Variants in CEP112 observed in about 807,000 individuals in gnomAD.
The protein encoded by CEP112 is centrosomal protein 112.
In CEP112, 127 loss-of-function variants were observed where a neutral mutation model predicts 153.0. The observed-to-expected ratio is 0.83, with a 90% CI of 0.72 to 0.96. CEP112 has a LOEUF of 0.96. Ranked by LOEUF, CEP112 falls within the 40% of genes least tolerant of loss-of-function variation. CEP112 has a pLI of 0.00. For synonymous variants in CEP112, 358 were observed against 374.4 expected (o/e 0.96, Z 0.51); for missense variants, 1,089 against 1,101.2 (o/e 0.99, Z 0.16).
At chr17:65,936,704 G>T (rs765234799) in intron 18 of CEP112, among the ~76,000 whole-genome samples, 6 of 151,962 alleles carry the variant, frequency 3.9e-5, no homozygotes, top group Non-Finnish European at 8.8e-5. Flanking sequence ...CTCAATAGAT[G>T]CAGAAAAATC....
intron 9 of CEP112, among the ~76,000 whole-genome samples, chr17:66,068,964 T>C (rs891355122): frequency 3.9e-5 from 6 of 151,970 alleles, no homozygotes; most frequent in African/African-American, 1.2e-4. Context: ...TTGCCTGTAA[T>C]ATCTGAATGG....
chr17:65,879,006 T>C lies in CEP112; in HGVS notation c.2163+23146A>G, dbSNP rs549441435. Among the ~76,000 whole-genome samples, 19 of 152,218 alleles carry C rather than the reference T, an allele frequency of 1.2e-4. No individual in the cohort carries two copies. The South Asian group carries it at 3.9e-3, about 32-fold the overall frequency. On this transcript the variant is annotated intron_variant, in intron 20 of 26. Transcript: ENST00000535342. Reference sequence around the variant, plus strand: ...CTAAATTCCCACTCAGGGAGAGATATATTGGGAGGAGGGACAGAAAAGAAA... The same window carrying C: ...CTAAATTCCCACTCAGGGAGAGATACATTGGGAGGAGGGACAGAAAAGAAA...
chr17:66,028,008 T>C (rs944790897), intron 15 of CEP112, among the ~76,000 whole-genome samples: 2 of 151,536 alleles, frequency 1.3e-5, no homozygotes, highest in African/African-American at 4.8e-5. Context: ...ATTATGAAGA[T>C]TGGCAGGTAA....
At chr17:65,746,375 C>T (rs1189795215) in intron 22 of CEP112, among the ~76,000 whole-genome samples, 5 of 151,324 alleles carry the variant, frequency 3.3e-5, no homozygotes, top group Non-Finnish European at 5.9e-5. Flanking sequence ...CTTAGGAAGG[C>T]GATATAAGGG....
At chr17:65,982,986 C>G (rs899603667) in intron 17 of CEP112, among the ~76,000 whole-genome samples, 2 of 152,132 alleles carry the variant, frequency 1.3e-5, no homozygotes, top group African/African-American at 2.4e-5. Context: ...TTGTATGATT[C>G]CATTTCTATG....
intron 24 of CEP112, among the ~76,000 whole-genome samples, chr17:65,681,384 CTTCT>C (rs2047515757): frequency 6.6e-6 from 1 of 151,980 alleles, no homozygotes; most frequent in African/African-American, 2.4e-5. Flanking sequence ...CCTCTATGCT[CTTCT>C]TTGTCAATAT....
intron 12 of CEP112, among the ~76,000 whole-genome samples, chr17:66,031,515 A>G (rs12943970): frequency 0.51 from 73,954 of 144,134 alleles, 19,818 homozygotes; most frequent in African/African-American, 0.59. Context: ...ACAGGGTCTC[A>G]TAGCGCAATC....
intron 21 of CEP112, among the ~76,000 whole-genome samples, chr17:65,806,171 C>T (rs549067691): frequency 1.3e-5 from 2 of 152,162 alleles, no homozygotes; most frequent in South Asian, 4.2e-4. Context: ...CACACTTGTA[C>T]TGGTGCCTAA....
At chr17:65,731,432 G>T (rs2050502340) in intron 23 of CEP112, among the ~76,000 whole-genome samples, 1 of 152,136 alleles carries the variant, frequency 6.6e-6, no homozygotes, top group Admixed American at 6.6e-5. Context: ...ACAATCATCT[G>T]AGCCCCCAGA....
chr17:65,655,444 C>G, intron 24 of CEP112: 1 of 1,127,320 alleles, frequency 8.9e-7, no homozygotes, highest in Non-Finnish European at 1.3e-6. Flanking sequence ...TGACTGCTGT[C>G]TTTTGAATGG....
intron 20 of CEP112, among the ~76,000 whole-genome samples, chr17:65,898,511 G>T (rs968633283): frequency 3.3e-5 from 5 of 152,098 alleles, no homozygotes; most frequent in African/African-American, 1.2e-4. Context: ...GATAAGTTCA[G>T]CTCTTAATGT....
intron 16 of CEP112, among the ~76,000 whole-genome samples, chr17:66,027,133 T>C (rs975687806): frequency 6.6e-6 from 1 of 152,200 alleles, no homozygotes; most frequent in East Asian, 1.9e-4. Context: ...TCCCAGCACT[T>C]TGGGAGGCCG....
In CEP112 at chr17:65,948,576, T is replaced by TTA. The variant is rs201714025; in HGVS notation, c.1872+12885_1872+12886dup. The stretch of plus-strand genomic sequence containing the variant: ...CGCTGTTTCTTTGAAAAATATGATT[T>TTA]TATATATATATATATACATACATAG... On this transcript the variant is annotated intron_variant, in intron 18 of 26. Transcript: ENST00000535342. 4.9e-3 allele frequency among the ~76,000 whole-genome samples: 549 copies of TTA among 112,546 alleles called. 2 individuals carry two copies. Among genetic ancestry groups the TTA allele is most frequent in the African/African-American group, 6.1e-3 (208 of 34,024 alleles). The allele number at this position is 112,546 out of a possible 152,430, so 73.8% of individuals were successfully genotyped here.
intron 19 of CEP112, among the ~76,000 whole-genome samples, chr17:65,912,189 T>C (rs1568215361): frequency 6.6e-6 from 1 of 152,210 alleles, no homozygotes; most frequent in Non-Finnish European, 1.5e-5. Context: ...ACTGGCTCTC[T>C]ATCTTATCTC....
intron 21 of CEP112, among the ~76,000 whole-genome samples, chr17:65,821,231 A>G (rs1237922029): frequency 2.0e-5 from 3 of 151,744 alleles, no homozygotes; most frequent in Non-Finnish European, 4.4e-5. Context: ...AGTGTACTCT[A>G]AATTGTGGAA....
chr17:65,883,300 C>T (rs1027144017), intron 20 of CEP112, among the ~76,000 whole-genome samples: 41 of 149,986 alleles, frequency 2.7e-4, no homozygotes, highest in African/African-American at 9.4e-4. Context: ...TATATATATA[C>T]ACACACACAC....
intron 19 of CEP112, among the ~76,000 whole-genome samples, chr17:65,910,107 A>T (rs1202514074): frequency 6.6e-6 from 1 of 152,004 alleles, no homozygotes; most frequent in Non-Finnish European, 1.5e-5. Context: ...ACACAGAAAA[A>T]CCCCAGTGTA....
At chr17:65,654,056 C>CA (rs773433478) in intron 24 of CEP112, among the ~76,000 whole-genome samples, 633 of 26,814 alleles carry the variant, frequency 0.024, 13 homozygotes, top group Admixed American at 0.028. Flanking sequence ...AAGACTCCAT[C>CA]AAAAAAAAAA....
intron 11 of CEP112, among the ~76,000 whole-genome samples, chr17:66,055,222 T>C (rs1336516383): frequency 1.3e-5 from 2 of 152,146 alleles, no homozygotes; most frequent in African/African-American, 4.8e-5. Context: ...ATAATTGTAC[T>C]GGTAAAGGTC....
Sources: allele counts gnomAD v4.1 joint callset (sites outside exome capture counted in the v4.1 genomes callset), GRCh38; gene constraint gnomAD v4.1.1; transcripts MANE v1.5; gene names NCBI Gene and HGNC (gene_info 2026-07-23, HGNC 2026-07-21).